MORN1: variants seen among roughly 807,000 people sequenced by gnomAD.
MORN1 encodes MORN repeat-containing protein 1.
Under a neutral mutation model 61.9 loss-of-function variants are expected in MORN1, and 67 were observed. The ratio of observed to expected loss-of-function variants is 1.08; its 90% CI spans 0.89 to 1.33. The LOEUF is 1.33. MORN1 is among the 40% of genes most tolerant of loss of function. MORN1 has a pLI of 0.00. For missense variants in MORN1, 752 were observed against 691.2 expected, an observed-to-expected ratio of 1.09 and a Z score of -0.99; for synonymous variants, 301 against 292.0, an observed-to-expected ratio of 1.03 and a Z score of -0.31.
chr1:2,387,368 T>C lies in MORN1; in HGVS notation c.358+51A>G, dbSNP rs377505884. On this transcript the variant is annotated intron_variant, in intron 4 of 13. Transcript: ENST00000378531. ...GAACCCAAGTGGACGTAGGATTCCA[T>C]GTCCTGAAAGCGCCCACCCTCACAG... 2.0e-5 allele frequency: 27 copies of C among 1,339,658 alleles called. No individual in the cohort carries two copies. In the African/African-American group the frequency reaches 3.3e-4, roughly 16 times the overall value. The allele number at this position is 1,339,658 out of a possible 1,614,324, so 83.0% of individuals were successfully genotyped here. A position where few individuals can be genotyped will look rare whatever the true frequency, so the allele number is the denominator to read the frequency against.
At chr1:2,338,910 C>T (rs1052565978) in intron 10 of MORN1, among the ~76,000 whole-genome samples, 5 of 152,108 alleles carry the variant, frequency 3.3e-5, no homozygotes, top group African/African-American at 1.2e-4. Flanking sequence ...CGAGGCTCAG[C>T]CAGGTAAAGG....
intron 2 of MORN1, 171 bp from the exon 3 acceptor site, chr1:2,388,508 A>G: frequency 3.5e-6 from 2 of 578,522 alleles, no homozygotes; most frequent in South Asian, 2.2e-5. Context: ...GTTCTCAAAA[A>G]TATCTGCCGA....
intron 12 of MORN1, among the ~76,000 whole-genome samples, chr1:2,331,486 C>A (rs1641146984): frequency 6.6e-6 from 1 of 152,206 alleles, no homozygotes; most frequent in African/African-American, 2.4e-5. Flanking sequence ...AGGGCCCTCG[C>A]AGCAGGACCC....
chr1:2,359,516 G>C (rs1028148821), intron 8 of MORN1, among the ~76,000 whole-genome samples: 1 of 152,204 alleles, frequency 6.6e-6, no homozygotes, highest in Non-Finnish European at 1.5e-5. Flanking sequence ...ACGTGGGAGT[G>C]CTGGATAGCA....
chr1:2,352,028 T>G, intron 10 of MORN1: 1 of 547,408 alleles, frequency 1.8e-6, no homozygotes, highest in South Asian at 1.7e-5. Context: ...GAGGTCCACC[T>G]CCCCTAGGAA....
rs1007655590 is a variant in MORN1, at chr1:2,351,526, G to A, written c.1036+5906C>T. The A allele has an allele frequency of 7.2e-5, 13 of 181,458 alleles. 1 individual carries two copies. The highest frequency in any genetic ancestry group is 3.8e-4 in the Admixed American group (6 of 15,888). 11.2% of individuals were successfully genotyped at this position (181,458 alleles called of 1,614,324 possible). ...GACAGCCATTCTCCCCTTCTCCTCC[G>A]GTAAGAGTCTTTGCCAGCACATTGC... is the stretch of plus-strand genomic sequence containing the variant. On this transcript the variant is annotated intron_variant, in intron 10 of 13. Transcript: ENST00000378531.
At chr1:2,348,512 C>T (rs139278204) in intron 10 of MORN1, among the ~76,000 whole-genome samples, 2,913 of 152,336 alleles carry the variant, frequency 0.019, 41 homozygotes, top group Middle Eastern at 0.048. Context: ...CAGACGCGCA[C>T]CTGGGTACTG....
At chr1:2,331,891 C>T (rs1285890851) in intron 12 of MORN1, among the ~76,000 whole-genome samples, 1 of 133,090 alleles carries the variant, frequency 7.5e-6, no homozygotes, top group Admixed American at 7.3e-5. Flanking sequence ...CCCGCCCCTG[C>T]GCCTCTCCCT....
intron 10 of MORN1, 45 bp from the exon 11 acceptor site, chr1:2,336,895 G>A (rs376050979): frequency 3.0e-4 from 444 of 1,489,100 alleles, no homozygotes; most frequent in East Asian, 1.8e-3. Flanking sequence ...GGCTCAGGGC[G>A]GAGACGGAGG....
intron 12 of MORN1, 101 bp downstream of exon 12, chr1:2,336,368 G>A: frequency 8.3e-7 from 1 of 1,208,184 alleles, no homozygotes; most frequent in Non-Finnish European, 1.2e-6. Flanking sequence ...CCCAGACCAG[G>A]CCCTTGGCTC....
At position 2,387,579 on chromosome 1, in the gene MORN1, C is replaced by T. The variant is rs778616957; in HGVS notation, c.248-50G>A. ...AGACAGGAGGTTCAGTTCAGGGCTG[C>T]GGCCCCAGTCGGCTCTCCTCTGTCC... is the stretch of plus-strand genomic sequence containing the variant. On this transcript the variant is annotated intron_variant, in intron 3 of 13. Coordinates refer to ENST00000378531, the MANE Select transcript of MORN1 (RefSeq NM_024848.3). 1.2e-5 allele frequency: 16 copies of T among 1,315,262 alleles called. 1 individual carries two copies. Among genetic ancestry groups the T allele is most frequent in the Admixed American group, 5.1e-5 (3 of 59,250 alleles). 81.5% of individuals were successfully genotyped at this position (1,315,262 alleles called of 1,614,324 possible).
rs1420381084 is a variant in MORN1, at chr1:2,357,328, T to G, written c.1036+104A>C. Reference sequence around the variant, plus strand: ...CGTGATGACTGACCCTGGGTGCGGCTTGCTCCTGCTCTGGCCTGGTTCTGG... The same window carrying G: ...CGTGATGACTGACCCTGGGTGCGGCGTGCTCCTGCTCTGGCCTGGTTCTGG... On this transcript the variant is annotated intron_variant, in intron 10 of 13. Transcript: ENST00000378531. The surrounding 1 kb of genome is among the most constrained non-coding windows in gnomAD (Gnocchi z 6.3). The G allele has an allele frequency of 1.6e-5, 21 of 1,312,610 alleles. No individual in the cohort carries two copies. Among genetic ancestry groups the G allele is most frequent in the Non-Finnish European group, 2.2e-5 (21 of 961,692 alleles). 81.3% of individuals were successfully genotyped at this position (1,312,610 alleles called of 1,614,324 possible). A position where few individuals can be genotyped will look rare whatever the true frequency, so the allele number is the denominator to read the frequency against.
intron 12 of MORN1, among the ~76,000 whole-genome samples, chr1:2,330,907 G>T (rs567019955): frequency 1.3e-5 from 2 of 152,210 alleles, no homozygotes; most frequent in Non-Finnish European, 2.9e-5. Context: ...TGATTAAACC[G>T]AGTCCTTCTT....
intron 12 of MORN1, chr1:2,326,667 C>G (rs1569909034): frequency 6.6e-6 from 1 of 152,588 alleles, no homozygotes; most frequent in African/African-American, 2.4e-5. Context: ...CACGCGCTGG[C>G]CATGACGGCC....
intron 8 of MORN1, among the ~76,000 whole-genome samples, chr1:2,368,902 C>T (rs1389360870): frequency 6.6e-6 from 1 of 151,700 alleles, no homozygotes; most frequent in Non-Finnish European, 1.5e-5. Flanking sequence ...ACTAAAAATA[C>T]AAAAATTAGC....
intron 10 of MORN1, chr1:2,352,175 T>G: frequency 3.8e-6 from 1 of 262,544 alleles, no homozygotes; most frequent in Non-Finnish European, 7.4e-6. Flanking sequence ...TAATAATAAA[T>G]GTATAGAGCA....
chr1:2,339,931 G>A (rs939776187), intron 10 of MORN1, among the ~76,000 whole-genome samples: 2 of 152,256 alleles, frequency 1.3e-5, no homozygotes, highest in Non-Finnish European at 2.9e-5. Flanking sequence ...GAATCCCTCG[G>A]CCGCTCCTGC....
At chr1:2,330,726 C>T (rs113341642) in intron 12 of MORN1, among the ~76,000 whole-genome samples, 3,784 of 152,298 alleles carry the variant, frequency 0.025, 140 homozygotes, top group African/African-American at 0.082. Flanking sequence ...ACAAGGTCGC[C>T]GCGCACACCC....
At chr1:2,364,043 G>T (rs891152193) in intron 8 of MORN1, among the ~76,000 whole-genome samples, 2 of 152,190 alleles carry the variant, frequency 1.3e-5, no homozygotes, top group East Asian at 1.9e-4. Context: ...GCAAGACGAC[G>T]ATATGCTGTC....
Sources: gnomAD v4.1 joint callset for allele counts (sites outside exome capture counted in the v4.1 genomes callset) on GRCh38, gnomAD v4.1.1 for gene constraint, Gnocchi (gnomAD v3.1) non-coding constraint, MANE v1.5 for transcripts, NCBI Gene and HGNC (gene_info 2026-07-23, HGNC 2026-07-21) for gene names.